RNF182: variants seen among roughly 807,000 people sequenced by gnomAD.
The protein encoded by RNF182 is E3 ubiquitin-protein ligase RNF182.
RNF182 carries 15 observed loss-of-function variants against 14.4 expected under a neutral mutation model. That is an observed-to-expected ratio of 1.04 (90% confidence interval 0.70 to 1.60). The LOEUF (loss-of-function observed/expected upper bound fraction) is 1.60, where lower values mean the gene tolerates loss of function less well. Ranked by LOEUF, RNF182 falls within the 40% of genes most tolerant of loss-of-function variation. The pLI is 0.00. For missense variants in RNF182, 268 were observed against 294.8 expected, an observed-to-expected ratio of 0.91 and a Z score of 0.67; for synonymous variants, 128 against 122.9, an observed-to-expected ratio of 1.04 and a Z score of -0.27.
intron 1 of RNF182, among the ~76,000 whole-genome samples, chr6:13,938,911 C>T (rs774503933): frequency 2.6e-4 from 39 of 151,986 alleles, no homozygotes; most frequent in Non-Finnish European, 4.4e-4. Flanking sequence ...GGTGAAACCC[C>T]GTCTCTACTA....
intron 1 of RNF182, among the ~76,000 whole-genome samples, chr6:13,948,169 A>G (rs921570692): frequency 1.3e-5 from 2 of 152,170 alleles, no homozygotes; most frequent in African/African-American, 4.8e-5. Flanking sequence ...TTAGTTTTCC[A>G]AGAGTCTTGG....
rs1431157466 is a variant in RNF182, at chr6:13,979,557, C to T, written c.*1694C>T. 1 of 166,964 alleles carries T rather than the reference C, an allele frequency of 6.0e-6. No homozygotes were observed. Among genetic ancestry groups the T allele is most frequent in the Non-Finnish European group, 1.5e-5 (1 of 68,106 alleles). The allele number at this position is 166,964 out of a possible 1,614,324, so 10.3% of individuals were successfully genotyped here. A position where few individuals can be genotyped will look rare whatever the true frequency, so the allele number is the denominator to read the frequency against. Reference sequence around the variant, plus strand: ...TCCAATGAATTTAAGCCCCAAGATACAGCTAAATACATTTATGATTTCATA... The same window carrying T: ...TCCAATGAATTTAAGCCCCAAGATATAGCTAAATACATTTATGATTTCATA... On this transcript the variant is annotated 3_prime_UTR_variant, in exon 3 of 3. Transcript: ENST00000488300.
At chr6:13,963,594 G>C (rs972744244) in intron 1 of RNF182, among the ~76,000 whole-genome samples, 1 of 152,158 alleles carries the variant, frequency 6.6e-6, no homozygotes, top group East Asian at 1.9e-4. Context: ...GACTAGAGTT[G>C]GTGCTGGCTT....
chr6:13,942,043 T>C (rs1759312896), intron 1 of RNF182, among the ~76,000 whole-genome samples: 1 of 152,228 alleles, frequency 6.6e-6, no homozygotes, highest in Non-Finnish European at 1.5e-5. Flanking sequence ...CTATTTTGTC[T>C]TAATTTTTGA....
intron 1 of RNF182, among the ~76,000 whole-genome samples, chr6:13,950,818 A>G (rs1052360037): frequency 6.7e-6 from 1 of 148,938 alleles, no homozygotes; most frequent in Non-Finnish European, 1.5e-5. Flanking sequence ...TTTTTTTGAG[A>G]TAGAGTCTTG....
intron 1 of RNF182, among the ~76,000 whole-genome samples, chr6:13,950,014 A>T (rs892102700): frequency 6.6e-5 from 10 of 152,212 alleles, no homozygotes. Context: ...GCTTTATTCT[A>T]TCTAACTTAA....
At position 13,976,991 on chromosome 6, in the gene RNF182, C is replaced by G. The variant is rs1043553284; in HGVS notation, c.-129C>G. ...AAAATGCCTGGAAGATTTCTGGTTTCTTTCACTACTTATCCTGCCTTTTTG... is the reference window on the plus strand; with the variant it reads ...AAAATGCCTGGAAGATTTCTGGTTTGTTTCACTACTTATCCTGCCTTTTTG... On this transcript the variant is annotated 5_prime_UTR_variant, in exon 3 of 3. Transcript: ENST00000488300. The G allele has an allele frequency of 1.8e-5, 18 of 989,884 alleles. No individual in the cohort carries two copies. In the Admixed American group the frequency reaches 2.3e-4, roughly 13 times the overall value. 61.3% of individuals were successfully genotyped at this position (989,884 alleles called of 1,614,324 possible). A position where few individuals can be genotyped will look rare whatever the true frequency, so the allele number is the denominator to read the frequency against.
rs70989897 is a variant in RNF182, at chr6:13,938,004, GT to G, written c.-367+13004del. 5.5e-3 allele frequency among the ~76,000 whole-genome samples: 438 copies of G among 79,590 alleles called. 2 individuals carry two copies. The highest frequency in any genetic ancestry group is 0.021 in the African/African-American group (414 of 19,690). 52.2% of individuals were successfully genotyped at this position (79,590 alleles called of 152,430 possible). On this transcript the variant is annotated intron_variant, in intron 1 of 2. Coordinates refer to ENST00000488300, the MANE Select transcript of RNF182 (RefSeq NM_152737.4). ...TAAAAAAGATTATCTTTTTCTTACT[GT>G]TTTTTTTTTTTTTTTTTTTTTTGAG...
chr6:13,930,665 G>A (rs1358974764), intron 1 of RNF182, among the ~76,000 whole-genome samples: 2 of 152,190 alleles, frequency 1.3e-5, no homozygotes, highest in Admixed American at 6.5e-5. Flanking sequence ...AGAGACAGGT[G>A]TTCATAAAAG....
chr6:13,962,710 G>A (rs954328360), intron 1 of RNF182, among the ~76,000 whole-genome samples: 38 of 152,120 alleles, frequency 2.5e-4, no homozygotes, highest in African/African-American at 9.2e-4. Context: ...TCCAGGATGG[G>A]AGGAATATTT....
At chr6:13,950,510 T>TTTC in intron 1 of RNF182, among the ~76,000 whole-genome samples, 1 of 150,264 alleles carries the variant, frequency 6.7e-6, no homozygotes, top group South Asian at 2.1e-4. Flanking sequence ...TTTTTTTTTT[T>TTTC]TTTTTTTGAC....
rs909802271 is a variant in RNF182, at chr6:13,979,551, A to G, written c.*1688A>G. The G allele has an allele frequency of 1.2e-5, 2 of 167,024 alleles. No individual in the cohort carries two copies. The highest frequency in any genetic ancestry group is 4.8e-5 in the African/African-American group (2 of 41,456). 10.3% of individuals were successfully genotyped at this position (167,024 alleles called of 1,614,324 possible). ...ATATGGTCCAATGAATTTAAGCCCC[A>G]AGATACAGCTAAATACATTTATGAT... On this transcript the variant is annotated 3_prime_UTR_variant, in exon 3 of 3. Coordinates refer to ENST00000488300, the MANE Select transcript of RNF182 (RefSeq NM_152737.4).
chr6:13,963,244 T>A (rs958905216), intron 1 of RNF182, among the ~76,000 whole-genome samples: 4 of 152,174 alleles, frequency 2.6e-5, no homozygotes, highest in Non-Finnish European at 5.9e-5. Context: ...ACTTGCAAGA[T>A]GTATGGATTG....
chr6:13,957,663 CTTTGTT>C (rs1364360324), intron 1 of RNF182, among the ~76,000 whole-genome samples: 1 of 152,120 alleles, frequency 6.6e-6, no homozygotes, highest in East Asian at 1.9e-4. Flanking sequence ...TGGTTTGTGA[CTTTGTT>C]TTTATTTTAG....
At chr6:13,950,772 C>T (rs1233232885) in intron 1 of RNF182, among the ~76,000 whole-genome samples, 5 of 151,736 alleles carry the variant, frequency 3.3e-5, no homozygotes, top group African/African-American at 1.2e-4. Flanking sequence ...GCTGAGATTA[C>T]AGGCATGAGC....
chr6:13,947,102 A>G (rs2113607356), intron 1 of RNF182, among the ~76,000 whole-genome samples: 1 of 152,358 alleles, frequency 6.6e-6, no homozygotes, highest in East Asian at 1.9e-4. Context: ...GTGGGAACCA[A>G]GCTGATATGG....
chr6:13,931,544 A>G (rs1758969393), intron 1 of RNF182, among the ~76,000 whole-genome samples: 1 of 152,074 alleles, frequency 6.6e-6, no homozygotes, highest in Non-Finnish European at 1.5e-5. Flanking sequence ...ACTTTCCTTG[A>G]TAACTCCTGG....
chr6:13,952,996 T>C (rs280169), intron 1 of RNF182, among the ~76,000 whole-genome samples: 115,861 of 152,196 alleles, frequency 0.76, 46,696 homozygotes, highest in Middle Eastern at 0.9. Flanking sequence ...CTTATTCTTT[T>C]TTCCTTTTGA....
intron 1 of RNF182, among the ~76,000 whole-genome samples, chr6:13,973,029 C>T (rs908436063): frequency 6.6e-6 from 1 of 152,206 alleles, no homozygotes; most frequent in Non-Finnish European, 1.5e-5. Flanking sequence ...GGAGGCTGTA[C>T]CCTACAGAGC....
Sources: gnomAD v4.1 joint callset for allele counts (sites outside exome capture counted in the v4.1 genomes callset) on GRCh38, gnomAD v4.1.1 for gene constraint, MANE v1.5 for transcripts, NCBI Gene and HGNC (gene_info 2026-07-23, HGNC 2026-07-21) for gene names.